The following TRIM54 variants were observed in gnomAD, a reference collection of about 807,000 sequenced individuals.
TRIM54 encodes tripartite motif-containing protein 54.
In TRIM54, 40 loss-of-function variants were observed where a neutral mutation model predicts 42.0. The ratio of observed to expected loss-of-function variants is 0.95; its 90% CI spans 0.74 to 1.24. The LOEUF is 1.24. TRIM54 is among the 50% of genes most tolerant of loss of function. The pLI is 0.00. For synonymous variants in TRIM54, 199 were observed against 194.9 expected (o/e 1.02, Z -0.17); for missense variants, 485 against 480.3 (o/e 1.01, Z -0.09).
chr2:27,306,100 T>TAAA lies in TRIM54; in HGVS notation c.866_866+1insAAA (p.Lys289dup). On this transcript the variant is annotated inframe_insertion and splice_region_variant, in exon 6 of 9. Coordinates refer to ENST00000380075, the MANE Select transcript of TRIM54 (RefSeq NM_187841.3). The surrounding 1 kb of genome is among the most constrained non-coding windows in gnomAD (Gnocchi z 6.1). ...TGCAGCAGGCCAAGGAGCTGATCAATAAGTGAGTAGGCATAGCGGGAAGGG... is the reference window on the plus strand; with the variant it reads ...TGCAGCAGGCCAAGGAGCTGATCAATAAAAAGTGAGTAGGCATAGCGGGAAGGG... The TAAA allele has an allele frequency of 6.2e-7, 1 of 1,613,960 alleles. No individual in the cohort carries two copies. Among genetic ancestry groups the TAAA allele is most frequent in the Non-Finnish European group, 8.5e-7 (1 of 1,180,024 alleles).
intron 1 of TRIM54, among the ~76,000 whole-genome samples, chr2:27,289,796 C>T (rs181504535): frequency 1.3e-5 from 2 of 149,886 alleles, no homozygotes; most frequent in Admixed American, 1.3e-4. Flanking sequence ...GCAGGAGGAT[C>T]GCTTGAGCCT....
At chr2:27,304,836 G>C in intron 3 of TRIM54, 123 bp from the exon 4 acceptor site, 1 of 702,540 alleles carries the variant, frequency 1.4e-6, no homozygotes, top group Admixed American at 2.4e-5. Flanking sequence ...CTAGATTGCT[G>C]TAGATGCCCT....
At chr2:27,292,948 A>AT (rs1038949902) in intron 1 of TRIM54, among the ~76,000 whole-genome samples, 5 of 151,720 alleles carry the variant, frequency 3.3e-5, no homozygotes, top group African/African-American at 7.3e-5. Flanking sequence ...TCAAATGTGG[A>AT]TTTTTTTTCT....
chr2:27,284,295 C>T (rs1017001501), intron 1 of TRIM54, among the ~76,000 whole-genome samples: 2 of 152,142 alleles, frequency 1.3e-5, no homozygotes, highest in African/African-American at 4.8e-5. Context: ...CAAGAAAATA[C>T]TTCCCTTTTT....
intron 1 of TRIM54, among the ~76,000 whole-genome samples, chr2:27,290,732 GC>G (rs1678697435): frequency 6.6e-6 from 1 of 152,198 alleles, no homozygotes; most frequent in South Asian, 2.1e-4. Context: ...TATGAAAACA[GC>G]TGTGATTTCC....
intron 1 of TRIM54, among the ~76,000 whole-genome samples, chr2:27,284,692 C>T (rs531759876): frequency 3.3e-5 from 5 of 152,114 alleles, no homozygotes; most frequent in Non-Finnish European, 7.4e-5. Context: ...AGGGAAATGG[C>T]AGAAAGATTT....
At chr2:27,289,271 G>A (rs531407086) in intron 1 of TRIM54, among the ~76,000 whole-genome samples, 4 of 152,156 alleles carry the variant, frequency 2.6e-5, no homozygotes, top group Non-Finnish European at 5.9e-5. Flanking sequence ...GGAAACTGAT[G>A]GCATTAGAAT....
chr2:27,283,156 T>C (rs956492790), intron 1 of TRIM54, among the ~76,000 whole-genome samples: 1 of 152,026 alleles, frequency 6.6e-6, no homozygotes, highest in South Asian at 2.1e-4. Context: ...CCAAGGAAAG[T>C]AGACCCTGTG....
Position 27,305,791 on chromosome 2 carries a change from G to A in TRIM54, c.817G>A (p.Glu273Lys). 6.2e-7 allele frequency: 1 copy of A among 1,608,176 alleles called. No homozygotes were observed. Among genetic ancestry groups the A allele is most frequent in the Non-Finnish European group, 8.5e-7 (1 of 1,177,242 alleles). The change falls in exon 5 of 9, where the codon GAG becomes AAG. Residue 273 changes from glutamate (E) to lysine (K), a missense_variant. Glu to Lys is a moderately conservative substitution (Grantham distance 56). Coordinates refer to ENST00000380075, the MANE Select transcript of TRIM54 (RefSeq NM_187841.3). ...LVESAIQSME[E>K]PQMALYLQQA... ...GGAGTCTGCCATCCAGTCCATGGAAGAGCCACAAATGGCGCTGTATCTCCA... is the reference window on the plus strand; with the variant it reads ...GGAGTCTGCCATCCAGTCCATGGAAAAGCCACAAATGGCGCTGTATCTCCA...
intron 3 of TRIM54, among the ~76,000 whole-genome samples, chr2:27,300,156 A>AT (rs1281605475): frequency 1.3e-5 from 2 of 151,496 alleles, no homozygotes; most frequent in Non-Finnish European, 2.9e-5. Flanking sequence ...ATTTTATTTT[A>AT]TTTATTTATT....
intron 3 of TRIM54, among the ~76,000 whole-genome samples, chr2:27,304,142 G>T (rs1018534950): frequency 4.0e-5 from 6 of 151,770 alleles, no homozygotes; most frequent in African/African-American, 7.3e-5. Flanking sequence ...AGCCTGGAAG[G>T]TCGAGGCTGC....
At position 27,306,249 on chromosome 2, in the gene TRIM54, G is replaced by A. The variant is rs267599314; in HGVS notation, c.903G>A (p.Arg301=). 6.2e-7 allele frequency: 1 copy of A among 1,614,116 alleles called. No homozygotes were observed. Among genetic ancestry groups the A allele is most frequent in the Non-Finnish European group, 8.5e-7 (1 of 1,180,016 alleles). ...GAMSKVELAG[R]PEPGYESMEQ... ...TGTCGAAGGTGGAGCTGGCAGGGCGGCCGGAGCCAGGCTATGAGAGCATGG... is the reference window on the plus strand; with the variant it reads ...TGTCGAAGGTGGAGCTGGCAGGGCGACCGGAGCCAGGCTATGAGAGCATGG... The change falls in exon 7 of 9, where the codon CGG becomes CGA. Residue 301 remains arginine, a synonymous_variant. Coordinates refer to ENST00000380075, the MANE Select transcript of TRIM54 (RefSeq NM_187841.3). This position sits in a 1 kb window ranked among gnomAD's most constrained non-coding sequence, Gnocchi z 6.1.
At chr2:27,305,111 G>A in intron 4 of TRIM54, 57 bp downstream of exon 4, 3 of 1,479,182 alleles carry the variant, frequency 2.0e-6, no homozygotes, top group Non-Finnish European at 2.8e-6. Flanking sequence ...CGGACCCCGG[G>A]CTCCCAAGAG....
rs763773532 is a variant in TRIM54, at chr2:27,298,688, G to A, written c.290G>A (p.Arg97Gln). ...LDRHGVYGLQ[R>Q]NLLVENIIDI... The stretch of plus-strand genomic sequence containing the variant: ...AGACACGGTGTCTACGGCCTGCAGC[G>A]AAACCTGCTAGTGGAGAACATTATC... Residue 97 changes from arginine to glutamine, a missense_variant, in exon 2 of 9, where the codon CGA (arginine) becomes CAA (glutamine). Coordinates refer to ENST00000380075, the MANE Select transcript of TRIM54 (RefSeq NM_187841.3). 28 of 1,614,052 alleles carry A rather than the reference G, an allele frequency of 1.7e-5. No homozygotes were observed. The highest frequency in any genetic ancestry group is 4.5e-5 in the East Asian group (2 of 44,892).
chr2:27,287,432 C>A (rs1678604271), intron 1 of TRIM54, among the ~76,000 whole-genome samples: 1 of 152,056 alleles, frequency 6.6e-6, no homozygotes, highest in Non-Finnish European at 1.5e-5. Flanking sequence ...TTCTCCAACT[C>A]CTGGACTCAA....
chr2:27,299,162 G>A (rs976424142), intron 2 of TRIM54, 83 bp from the exon 3 acceptor site: 2 of 1,499,694 alleles, frequency 1.3e-6, no homozygotes, highest in Non-Finnish European at 1.8e-6. Flanking sequence ...AGAAGGTGGT[G>A]GCAGTTGGTG....
chr2:27,283,768 A>ACACACACACG (rs1678460115), intron 1 of TRIM54, among the ~76,000 whole-genome samples: 5 of 93,938 alleles, frequency 5.3e-5, no homozygotes, highest in African/African-American at 1.8e-4. Flanking sequence ...GCAAAGGCAC[A>ACACACACACG]CACACACACA....
intron 2 of TRIM54, 123 bp from the exon 3 acceptor site, chr2:27,299,122 G>C: frequency 1.8e-6 from 2 of 1,132,500 alleles, no homozygotes; most frequent in Admixed American, 4.3e-5. Flanking sequence ...GTACTCACCA[G>C]TTCAGCCACA....
intron 1 of TRIM54, among the ~76,000 whole-genome samples, chr2:27,285,219 A>G (rs1678522888): frequency 6.6e-6 from 1 of 152,202 alleles, no homozygotes; most frequent in Admixed American, 6.5e-5. Flanking sequence ...GTATCTCAAT[A>G]TATCTCAGTA....
Sources: allele counts gnomAD v4.1 joint callset (sites outside exome capture counted in the v4.1 genomes callset), GRCh38; gene constraint gnomAD v4.1.1; non-coding constraint Gnocchi (gnomAD v3.1); transcripts MANE v1.5; gene names NCBI Gene and HGNC (gene_info 2026-07-23, HGNC 2026-07-21).